The following GALK2 variants were observed in gnomAD, a reference collection of about 807,000 sequenced individuals.
The protein encoded by GALK2 is N-acetylgalactosamine kinase.
A neutral mutation model predicts 52.4 loss-of-function variants in GALK2; 36 were observed. The ratio of observed to expected loss-of-function variants is 0.69; its 90% confidence interval spans 0.53 to 0.91. The LOEUF (loss-of-function observed/expected upper bound fraction) is 0.91. Among genes scored for constraint, GALK2 ranks in the 40% least tolerant of loss-of-function variants. The probability of loss-of-function intolerance (pLI) is 0.00; values close to 1 mark genes in which losing one functional copy is unlikely to be tolerated. For synonymous variants in GALK2, 176 were observed against 199.1 expected (o/e 0.88, Z 0.98); for missense variants, 579 against 559.1 (o/e 1.04, Z -0.36).
Position 49,330,726 on chromosome 15 carries a change from T to C in GALK2, c.*2567T>C, listed in dbSNP as rs998896407. 6.8e-6 allele frequency: 1 copy of C among 146,594 alleles called. No individual in the cohort carries two copies. Among genetic ancestry groups the C allele is most frequent in the Non-Finnish European group, 1.5e-5 (1 of 67,012 alleles). 9.1% of individuals were successfully genotyped at this position (146,594 alleles called of 1,614,324 possible). On this transcript the variant is annotated 3_prime_UTR_variant, in exon 10 of 10. Transcript: ENST00000560031. ...TTCTCTGTGCCCATGTCCCTATCAATAGTAGGGAAGATAGACCAAAAAAAA... is the reference window on the plus strand; with the variant it reads ...TTCTCTGTGCCCATGTCCCTATCAACAGTAGGGAAGATAGACCAAAAAAAA...
chr15:49,355,253 G>T (rs923271982), intron 3 of GALK2, among the ~76,000 whole-genome samples: 1 of 152,226 alleles, frequency 6.6e-6, no homozygotes, highest in Non-Finnish European at 1.5e-5. Flanking sequence ...TGACTTTGAA[G>T]AGCTCAGAGA....
At chr15:49,202,098 G>A (rs2087830716) in intron 2 of GALK2, among the ~76,000 whole-genome samples, 1 of 152,124 alleles carries the variant, frequency 6.6e-6, no homozygotes, top group Non-Finnish European at 1.5e-5. Context: ...CTGCCTCCCG[G>A]GTTCAAGTGA....
At chr15:49,350,375 G>A (rs1338150332) in intron 3 of GALK2, among the ~76,000 whole-genome samples, 1 of 152,130 alleles carries the variant, frequency 6.6e-6, no homozygotes, top group Non-Finnish European at 1.5e-5. Flanking sequence ...ATAAATACCT[G>A]TGTGCACATA....
intron 1 of GALK2, among the ~76,000 whole-genome samples, chr15:49,187,189 C>T (rs2086416685): frequency 6.6e-6 from 1 of 152,214 alleles, no homozygotes; most frequent in Non-Finnish European, 1.5e-5. Flanking sequence ...CTCTTGCCTT[C>T]TTGTAGAGGT....
chr15:49,292,923 T>G (rs1251716496), intron 8 of GALK2, among the ~76,000 whole-genome samples: 1 of 152,236 alleles, frequency 6.6e-6, no homozygotes, highest in Non-Finnish European at 1.5e-5. Flanking sequence ...CGTCTTAGGT[T>G]GAAACTTGTG....
chr15:49,206,464 A>T (rs564509442), intron 2 of GALK2, among the ~76,000 whole-genome samples: 14 of 151,980 alleles, frequency 9.2e-5, no homozygotes, highest in Non-Finnish European at 2.1e-4. Context: ...TGAGCATGGG[A>T]TGTGTTTCCA....
chr15:49,246,803 A>C (rs772289884), intron 5 of GALK2, among the ~76,000 whole-genome samples: 12 of 152,166 alleles, frequency 7.9e-5, no homozygotes, highest in Admixed American at 1.3e-4. Flanking sequence ...CAAGAGAAGA[A>C]GACAGATAAA....
At chr15:49,321,794 ATACGTGTGTG>A (rs1567061586) in intron 9 of GALK2, among the ~76,000 whole-genome samples, 2 of 152,220 alleles carry the variant, frequency 1.3e-5, no homozygotes, top group African/African-American at 4.8e-5. Flanking sequence ...TGGGTCATAC[ATACGTGTGTG>A]TACGTGTGTG....
At chr15:49,272,640 T>C (rs1485470019) in intron 5 of GALK2, among the ~76,000 whole-genome samples, 1 of 152,208 alleles carries the variant, frequency 6.6e-6, no homozygotes, top group Non-Finnish European at 1.5e-5. Context: ...TTTAACAGTT[T>C]TACCACACAC....
rs946162128 is a variant in GALK2, at chr15:49,314,441, T to C, written c.968-5163T>C. Among the ~76,000 whole-genome samples the C allele has an allele frequency of 4.6e-5, 7 of 152,214 alleles. No homozygotes were observed. The South Asian group carries it at 1.2e-3, about 27-fold the overall frequency. ...TTATTTTAGCAAACTTTCCCCACTTTTTGGTGAGGATGCTAGTGAGTATAA... is the reference window on the plus strand; with the variant it reads ...TTATTTTAGCAAACTTTCCCCACTTCTTGGTGAGGATGCTAGTGAGTATAA... On this transcript the variant is annotated intron_variant, in intron 8 of 9. Coordinates refer to ENST00000560031, the MANE Select transcript of GALK2 (RefSeq NM_002044.4).
chr15:49,165,280 A>G (rs1263835574), upstream of GALK2, among the ~76,000 whole-genome samples: 1 of 152,218 alleles, frequency 6.6e-6, no homozygotes, highest in Non-Finnish European at 1.5e-5. Context: ...ACTGGAGAGA[A>G]TGTTGGGATG....
At chr15:49,322,940 G>A (rs1344518129) in intron 9 of GALK2, among the ~76,000 whole-genome samples, 2 of 130,416 alleles carry the variant, frequency 1.5e-5, no homozygotes, top group Non-Finnish European at 3.1e-5. Context: ...CTGTGGGACA[G>A]AGCAAGACTC....
chr15:49,201,319 T>G, intron 2 of GALK2, 69 bp downstream of exon 2: 1 of 807,822 alleles, frequency 1.2e-6, no homozygotes, highest in South Asian at 1.7e-5. Flanking sequence ...TTTAAAAATA[T>G]ATTTCTTTCT....
chr15:49,292,250 G>A lies in GALK2; in HGVS notation c.757-77G>A, dbSNP rs960128166. 1.4e-5 allele frequency: 18 copies of A among 1,323,614 alleles called. No individual in the cohort carries two copies. The African/African-American group carries it at 1.8e-4, about 13-fold the overall frequency. The allele number at this position is 1,323,614 out of a possible 1,614,324, so 82.0% of individuals were successfully genotyped here. A position where few individuals can be genotyped will look rare whatever the true frequency, so the allele number is the denominator to read the frequency against. On this transcript the variant is annotated intron_variant, in intron 7 of 9. Transcript: ENST00000560031. ...ACAACAAAACAAAAAACAGCTTAAC[G>A]TTGAATCTGGCTAATTAAAATAGTA...
chr15:49,292,786 C>CT (rs1595989576), intron 8 of GALK2, among the ~76,000 whole-genome samples: 1 of 152,032 alleles, frequency 6.6e-6, no homozygotes, highest in African/African-American at 2.4e-5. Flanking sequence ...GTAAGCTTCT[C>CT]TTTTTTATCT....
chr15:49,354,419 C>G (rs2042745946), intron 3 of GALK2, among the ~76,000 whole-genome samples: 1 of 152,204 alleles, frequency 6.6e-6, no homozygotes, highest in Admixed American at 6.5e-5. Context: ...CAGGGCGAGG[C>G]ATTGCCTCAC....
chr15:49,259,940 A>G (rs1463933872), intron 5 of GALK2, among the ~76,000 whole-genome samples: 1 of 151,722 alleles, frequency 6.6e-6, no homozygotes. Flanking sequence ...ATAGTATTCC[A>G]TGGTGTATAT....
At chr15:49,207,048 G>C (rs537030244) in intron 2 of GALK2, among the ~76,000 whole-genome samples, 11 of 152,220 alleles carry the variant, frequency 7.2e-5, no homozygotes, top group Non-Finnish European at 1.6e-4. Context: ...TAATCATAAA[G>C]CTTGCTGGAT....
chr15:49,211,217 C>G (rs913573345), intron 2 of GALK2, among the ~76,000 whole-genome samples: 24 of 152,196 alleles, frequency 1.6e-4, no homozygotes, highest in Non-Finnish European at 7.3e-5. Flanking sequence ...CAAAGTTCCA[C>G]AGGTCCCCAG....
Sources: gnomAD v4.1 joint callset for allele counts (sites outside exome capture counted in the v4.1 genomes callset) on GRCh38, gnomAD v4.1.1 for gene constraint, MANE v1.5 for transcripts, NCBI Gene and HGNC (gene_info 2026-07-23, HGNC 2026-07-21) for gene names.